Variants in NKAIN2 observed in about 807,000 individuals in gnomAD.
NKAIN2 encodes sodium/potassium-transporting ATPase subunit beta-1-interacting protein 2.
A neutral mutation model predicts 32.6 loss-of-function variants in NKAIN2; 14 were observed. The observed-to-expected ratio is 0.43, with a 90% CI of 0.28 to 0.67. The LOEUF (loss-of-function observed/expected upper bound fraction) is 0.67. Among genes scored for constraint, NKAIN2 ranks in the 30% least tolerant of loss-of-function variants. NKAIN2 has a pLI of 0.17. For missense variants in NKAIN2, 198 were observed against 258.3 expected (o/e 0.77, Z 1.60); for synonymous variants, 80 against 87.2 (o/e 0.92, Z 0.46).
chr6:124,518,433 G>A (rs1225548754), intron 3 of NKAIN2, among the ~76,000 whole-genome samples: 1 of 152,080 alleles, frequency 6.6e-6, no homozygotes, highest in Non-Finnish European at 1.5e-5. Context: ...ATTGGCTTAG[G>A]GTTCTGTAGG....
intron 4 of NKAIN2, among the ~76,000 whole-genome samples, chr6:124,694,509 T>C (rs1044222556): frequency 3.3e-5 from 5 of 152,244 alleles, no homozygotes; most frequent in Non-Finnish European, 5.9e-5. Context: ...TTGTTGCCAT[T>C]CCTGCTTTGG....
intron 6 of NKAIN2, among the ~76,000 whole-genome samples, chr6:124,819,780 G>A (rs1319507109): frequency 6.6e-6 from 1 of 152,100 alleles, no homozygotes; most frequent in Non-Finnish European, 1.5e-5. Flanking sequence ...CCAACCATAT[G>A]CAGATGACAC....
At chr6:124,146,061 T>C (rs533397182) in intron 1 of NKAIN2, among the ~76,000 whole-genome samples, 8 of 152,206 alleles carry the variant, frequency 5.3e-5, no homozygotes, top group Non-Finnish European at 1.2e-4. Flanking sequence ...ATTGATATCC[T>C]AGTTATGATA....
At chr6:124,567,914 G>A (rs561228573) in intron 3 of NKAIN2, among the ~76,000 whole-genome samples, 17 of 152,230 alleles carry the variant, frequency 1.1e-4, no homozygotes, top group South Asian at 2.1e-4. Flanking sequence ...CTGATCTAGC[G>A]TGTGTTGACT....
At chr6:123,954,261 G>A (rs1469604717) in intron 1 of NKAIN2, among the ~76,000 whole-genome samples, 1 of 152,224 alleles carries the variant, frequency 6.6e-6, no homozygotes, top group African/African-American at 2.4e-5. Context: ...GTGTGTGTGG[G>A]ATACAGCGTG....
chr6:124,719,142 T>C (rs2114627023), intron 4 of NKAIN2, among the ~76,000 whole-genome samples: 1 of 152,340 alleles, frequency 6.6e-6, no homozygotes, highest in Middle Eastern at 3.4e-3. Context: ...AGACTGTTTT[T>C]TTCCATAATA....
intron 3 of NKAIN2, among the ~76,000 whole-genome samples, chr6:124,400,288 C>T (rs974141926): frequency 1.1e-4 from 16 of 151,670 alleles, no homozygotes; most frequent in African/African-American, 2.4e-4. Flanking sequence ...GATTTTAGTA[C>T]GCAGCCAGAG....
At chr6:124,571,334 G>A (rs563373291) in intron 3 of NKAIN2, among the ~76,000 whole-genome samples, 11 of 152,172 alleles carry the variant, frequency 7.2e-5, no homozygotes, top group East Asian at 1.9e-4. Context: ...CATGAGATTC[G>A]GAGGGGCCAG....
intron 2 of NKAIN2, among the ~76,000 whole-genome samples, chr6:124,309,967 A>C (rs2114997513): frequency 6.6e-6 from 1 of 152,254 alleles, no homozygotes; most frequent in South Asian, 2.1e-4. Flanking sequence ...AACAATAGTA[A>C]AAGAGGTAAA....
intron 4 of NKAIN2, among the ~76,000 whole-genome samples, chr6:124,783,648 T>C (rs1225461622): frequency 6.6e-6 from 1 of 152,172 alleles, no homozygotes; most frequent in Admixed American, 6.6e-5. Context: ...ATAAGAATCA[T>C]CTGGTAAACA....
intron 3 of NKAIN2, among the ~76,000 whole-genome samples, chr6:124,478,326 G>A (rs1281265081): frequency 1.3e-5 from 2 of 152,144 alleles, no homozygotes; most frequent in Non-Finnish European, 2.9e-5. Context: ...AAATTAAATG[G>A]TATACCCAGT....
At chr6:124,209,396 G>A in intron 1 of NKAIN2, among the ~76,000 whole-genome samples, 1 of 151,832 alleles carries the variant, frequency 6.6e-6, no homozygotes, top group South Asian at 2.1e-4. Context: ...ATTGTGAATA[G>A]TGCTGCAATA....
chr6:124,270,210 A>G (rs1202998109), intron 1 of NKAIN2, among the ~76,000 whole-genome samples: 2 of 152,218 alleles, frequency 1.3e-5, no homozygotes, highest in Non-Finnish European at 2.9e-5. Flanking sequence ...GACATTGTTA[A>G]GTCACTGCCT....
At chr6:124,023,183 A>T (rs1780951149) in intron 1 of NKAIN2, among the ~76,000 whole-genome samples, 1 of 151,526 alleles carries the variant, frequency 6.6e-6, no homozygotes, top group South Asian at 2.1e-4. Flanking sequence ...GAAAGGATTG[A>T]TACAGAAAAA....
intron 3 of NKAIN2, among the ~76,000 whole-genome samples, chr6:124,604,682 G>A (rs9388345): frequency 0.17 from 26,218 of 151,534 alleles, 2,484 homozygotes; most frequent in Middle Eastern, 0.24. Flanking sequence ...TACAAAATCC[G>A]TTCCCTCAAT....
rs1774868738 is a variant in NKAIN2 at position 124,423,995 on chromosome 6, AC to A, written c.273+68649del. ...TACTGTTGTAAACACTTTTAATTTA[AC>A]TTTTTTATTTTTTTGAGACAAGAGT... On this transcript the variant is annotated intron_variant, in intron 3 of 6. Transcript: ENST00000368417. 7.2e-5 allele frequency among the ~76,000 whole-genome samples: 11 copies of A among 152,194 alleles called. No individual in the cohort carries two copies. The South Asian group carries it at 1.9e-3, about 26-fold the overall frequency.
intron 5 of NKAIN2, among the ~76,000 whole-genome samples, chr6:124,791,687 G>A (rs538118970): frequency 6.6e-6 from 1 of 152,082 alleles, no homozygotes; most frequent in Non-Finnish European, 1.5e-5. Context: ...ATGGGAGATT[G>A]GAGATGGAAA....
chr6:124,799,067 G>A (rs1780139259), intron 5 of NKAIN2, among the ~76,000 whole-genome samples: 1 of 152,220 alleles, frequency 6.6e-6, no homozygotes, highest in South Asian at 2.1e-4. Context: ...AAATGAATAA[G>A]TAATTTGAAT....
chr6:124,808,714 G>C (rs1224479672), intron 5 of NKAIN2, among the ~76,000 whole-genome samples: 2 of 152,190 alleles, frequency 1.3e-5, no homozygotes, highest in Non-Finnish European at 2.9e-5. Flanking sequence ...CAGATGATAT[G>C]ATTGTATATC....
Sources: gnomAD v4.1 joint callset for allele counts (sites outside exome capture counted in the v4.1 genomes callset) on GRCh38, gnomAD v4.1.1 for gene constraint, MANE v1.5 for transcripts, NCBI Gene and HGNC (gene_info 2026-07-23, HGNC 2026-07-21) for gene names.